ADAMTSL3: variants seen among roughly 807,000 people sequenced by gnomAD.
ADAMTSL3 encodes the protein ADAMTS-like protein 3.
ADAMTSL3 carries 128 observed loss-of-function variants against 201.7 expected under a neutral mutation model. The observed-to-expected ratio is 0.63, with a 90% CI of 0.55 to 0.73. ADAMTSL3 has a LOEUF of 0.73. ADAMTSL3 is among the 30% of genes least tolerant of loss of function. The pLI is 0.00. For synonymous variants in ADAMTSL3, 738 were observed against 748.4 expected (o/e 0.99, Z 0.23); for missense variants, 1,990 against 2,119.6 (o/e 0.94, Z 1.20).
rs1485033939 is a variant in ADAMTSL3 at position 83,890,113 on chromosome 15, T to C, written c.1077T>C (p.Tyr359=). Residue 359 remains tyrosine (Y), a synonymous_variant, in exon 11 of 30, where the codon TAT becomes TAC. Coordinates refer to ENST00000286744, the MANE Select transcript of ADAMTSL3 (RefSeq NM_207517.3). ...FPCTVTCGGG[Y]QLNSAECVDI... ...TTGCCTTTTCTAACACTTTAGGTTA[T>C]CAGCTCAATTCTGCTGAATGTGTGG... is the stretch of plus-strand genomic sequence containing the variant. 1.9e-6 allele frequency: 3 copies of C among 1,611,716 alleles called. No homozygotes were observed. Among genetic ancestry groups the C allele is most frequent in the Admixed American group, 3.4e-5 (2 of 59,676 alleles).
At chr15:83,936,538 T>C (rs1214000448) in intron 17 of ADAMTSL3, among the ~76,000 whole-genome samples, 2 of 150,996 alleles carry the variant, frequency 1.3e-5, no homozygotes, top group South Asian at 4.1e-4. Flanking sequence ...GTTATAAACA[T>C]TTATAGTTAT....
Position 83,956,026 on chromosome 15 carries a change from A to G in ADAMTSL3, c.2490+12944A>G, listed in dbSNP as rs1033191107. ...CTGAGTCCTTCCTAGACTGCCTTTC[A>G]AGTTCACTTAGGACCCCACAGCACC... On this transcript the variant is annotated intron_variant, in intron 19 of 29. Coordinates refer to ENST00000286744, the MANE Select transcript of ADAMTSL3 (RefSeq NM_207517.3). 9.9e-5 allele frequency among the ~76,000 whole-genome samples: 15 copies of G among 152,146 alleles called. 1 individual carries two copies. The highest frequency in any genetic ancestry group is 5.9e-4 in the Admixed American group (9 of 15,288).
At chr15:83,810,303 G>A (rs906255844) in intron 5 of ADAMTSL3, among the ~76,000 whole-genome samples, 2 of 152,176 alleles carry the variant, frequency 1.3e-5, no homozygotes, top group African/African-American at 4.8e-5. Flanking sequence ...TTCATTCATT[G>A]TGAATGCTGG....
At chr15:83,913,753 G>C (rs1343767670) in intron 16 of ADAMTSL3, among the ~76,000 whole-genome samples, 1 of 152,194 alleles carries the variant, frequency 6.6e-6, no homozygotes, top group African/African-American at 2.4e-5. Context: ...CTCTAGATCA[G>C]AGTTTGTCCT....
chr15:83,989,006 C>G (rs1484333389), intron 22 of ADAMTSL3, among the ~76,000 whole-genome samples, 188 bp downstream of exon 22: 1 of 151,714 alleles, frequency 6.6e-6, no homozygotes, highest in Non-Finnish European at 1.5e-5. Context: ...CTCAGCCTCC[C>G]GAGTAGCTGG....
At chr15:83,722,018 A>G (rs1596088306) in intron 3 of ADAMTSL3, among the ~76,000 whole-genome samples, 1 of 152,188 alleles carries the variant, frequency 6.6e-6, no homozygotes, top group African/African-American at 2.4e-5. Context: ...GGCATGAGCC[A>G]CTGCACCTGG....
intron 8 of ADAMTSL3, among the ~76,000 whole-genome samples, chr15:83,864,032 T>G (rs1018072480): frequency 2.0e-5 from 3 of 152,008 alleles, no homozygotes; most frequent in African/African-American, 4.8e-5. Context: ...ATAAATTCCT[T>G]GATATATACA....
chr15:83,976,422 G>A (rs1352430386), intron 20 of ADAMTSL3, among the ~76,000 whole-genome samples: 1 of 152,094 alleles, frequency 6.6e-6, no homozygotes, highest in East Asian at 1.9e-4. Context: ...ACCAGTCGTA[G>A]GGGATGGTTT....
intron 2 of ADAMTSL3, among the ~76,000 whole-genome samples, chr15:83,666,916 G>T (rs1276269578): frequency 6.6e-6 from 1 of 151,184 alleles, no homozygotes; most frequent in Non-Finnish European, 1.5e-5. Flanking sequence ...TTTTCTATGA[G>T]AATCTTATTA....
chr15:83,819,037 C>T (rs2141905288), intron 5 of ADAMTSL3, among the ~76,000 whole-genome samples: 1 of 152,218 alleles, frequency 6.6e-6, no homozygotes, highest in East Asian at 1.9e-4. Context: ...CTTTGGGAGG[C>T]CGACACAGGT....
chr15:83,675,711 C>T (rs1216713586), intron 2 of ADAMTSL3, among the ~76,000 whole-genome samples: 4 of 150,922 alleles, frequency 2.7e-5, no homozygotes, highest in Non-Finnish European at 5.9e-5. Context: ...GTATAATTCT[C>T]CAGTGAAACT....
chr15:83,819,604 T>G (rs1181836811), intron 5 of ADAMTSL3, among the ~76,000 whole-genome samples: 1 of 147,752 alleles, frequency 6.8e-6, no homozygotes, highest in Non-Finnish European at 1.5e-5. Context: ...ATCTCCTGTA[T>G]AAATAATTAT....
intron 5 of ADAMTSL3, among the ~76,000 whole-genome samples, chr15:83,807,882 T>C (rs1024426740): frequency 6.6e-6 from 1 of 152,146 alleles, no homozygotes; most frequent in Non-Finnish European, 1.5e-5. Context: ...GAATACACAC[T>C]GGGGAAAGGA....
chr15:83,974,953 C>T (rs1458047190), intron 20 of ADAMTSL3, among the ~76,000 whole-genome samples: 1 of 150,852 alleles, frequency 6.6e-6, no homozygotes, highest in East Asian at 2.0e-4. Flanking sequence ...ACTCTCATCT[C>T]TCCCGCCTGT....
intron 3 of ADAMTSL3, among the ~76,000 whole-genome samples, chr15:83,706,846 T>G (rs1020431840): frequency 1.3e-5 from 2 of 149,906 alleles, no homozygotes; most frequent in Non-Finnish European, 3.0e-5. Context: ...TTTGTCTGTA[T>G]TTTGTAGAAA....
At chr15:83,684,493 G>A (rs1375833192) in intron 2 of ADAMTSL3, among the ~76,000 whole-genome samples, 1 of 152,118 alleles carries the variant, frequency 6.6e-6, no homozygotes, top group Non-Finnish European at 1.5e-5. Context: ...GAGGCCAGGA[G>A]TTTGAGGCTG....
chr15:83,718,290 A>G (rs565273864), intron 3 of ADAMTSL3, among the ~76,000 whole-genome samples: 2 of 152,296 alleles, frequency 1.3e-5, no homozygotes, highest in East Asian at 3.9e-4. Context: ...AGGTAAAACA[A>G]TGCAAAATTA....
intron 9 of ADAMTSL3, among the ~76,000 whole-genome samples, chr15:83,880,406 G>A (rs964553015): frequency 1.1e-4 from 16 of 152,116 alleles, no homozygotes; most frequent in Admixed American, 3.9e-4. Context: ...TATCAGAACA[G>A]CCACCCCTAT....
chr15:84,030,353 G>A (rs1596556100), intron 27 of ADAMTSL3, among the ~76,000 whole-genome samples: 2 of 152,318 alleles, frequency 1.3e-5, no homozygotes, highest in African/African-American at 4.8e-5. Context: ...TCTTACATCA[G>A]CATGATGGAA....
Sources: allele counts gnomAD v4.1 joint callset (sites outside exome capture counted in the v4.1 genomes callset), GRCh38; gene constraint gnomAD v4.1.1; transcripts MANE v1.5; gene names NCBI Gene and HGNC (gene_info 2026-07-23, HGNC 2026-07-21).